The following KCNN2 variants were observed in gnomAD, a reference collection of about 807,000 sequenced individuals.
The protein encoded by KCNN2 is small conductance calcium-activated potassium channel protein 2.
Under a neutral mutation model 55.5 loss-of-function variants are expected in KCNN2, and 24 were observed. The ratio of observed to expected loss-of-function variants is 0.43; its 90% CI spans 0.31 to 0.61. The LOEUF (loss-of-function observed/expected upper bound fraction) is 0.61. Among genes scored for constraint, KCNN2 ranks in the 20% least tolerant of loss-of-function variants. The pLI is 0.08. For synonymous variants in KCNN2, 431 were observed against 336.1 expected, an observed-to-expected ratio of 1.28 and a Z score of -3.09; for missense variants, 754 against 853.6, an observed-to-expected ratio of 0.88 and a Z score of 1.45.
At chr5:114,278,906 C>T (rs762869201) in intron 2 of KCNN2, among the ~76,000 whole-genome samples, 1 of 152,106 alleles carries the variant, frequency 6.6e-6, no homozygotes, top group Non-Finnish European at 1.5e-5. Flanking sequence ...ATGAGATGAA[C>T]CAGGTAACTC....
intron 2 of KCNN2, among the ~76,000 whole-genome samples, chr5:114,258,811 A>G (rs1398583190): frequency 6.6e-6 from 1 of 152,184 alleles, no homozygotes; most frequent in Admixed American, 6.5e-5. Flanking sequence ...TCCCCTGTGC[A>G]GAACCTCCTC....
At chr5:114,457,389 A>T (rs1469865820) in intron 3 of KCNN2, among the ~76,000 whole-genome samples, 1 of 152,222 alleles carries the variant, frequency 6.6e-6, no homozygotes, top group Non-Finnish European at 1.5e-5. Flanking sequence ...AGTATAGTAT[A>T]CACATAACAA....
intron 2 of KCNN2, among the ~76,000 whole-genome samples, chr5:114,327,519 A>G (rs1047929862): frequency 1.3e-5 from 2 of 152,248 alleles, no homozygotes; most frequent in African/African-American, 2.4e-5. Flanking sequence ...ACGCTGAGTT[A>G]ATTTTAACTA....
At chr5:114,482,987 T>A (rs1762292887) in intron 5 of KCNN2, among the ~76,000 whole-genome samples, 1 of 151,918 alleles carries the variant, frequency 6.6e-6, no homozygotes, top group Non-Finnish European at 1.5e-5. Context: ...TGGCATGTGT[T>A]TACCTATATA....
intron 2 of KCNN2, among the ~76,000 whole-genome samples, chr5:114,328,032 G>C (rs572119060): frequency 3.0e-4 from 46 of 152,270 alleles, no homozygotes; most frequent in African/African-American, 1.1e-3. Flanking sequence ...GAGGGCTTTG[G>C]GCACATTAGT....
chr5:114,385,281 C>T (rs1227025815), intron 2 of KCNN2, among the ~76,000 whole-genome samples: 1 of 151,952 alleles, frequency 6.6e-6, no homozygotes, highest in Non-Finnish European at 1.5e-5. Flanking sequence ...TTCATAACAT[C>T]ACAGAAGTTA....
intron 1 of KCNN2, among the ~76,000 whole-genome samples, chr5:114,197,534 G>A (rs1753582343): frequency 1.3e-5 from 2 of 152,156 alleles, no homozygotes; most frequent in South Asian, 4.1e-4. Context: ...AGTTAGTGGG[G>A]ACAGGGGTAA....
In KCNN2 at chr5:114,473,044, T is replaced by G. The variant is rs1761822138; in HGVS notation, c.1780-10T>G. ...AATGCTTTGGGTTTCTCTTCTCTCC[T>G]TGTTTTCAGGGTGCTGGTTGCACAG... On this transcript the variant is annotated splice_polypyrimidine_tract_variant and intron_variant, in intron 4 of 7. Transcript: ENST00000673685. The G allele has an allele frequency of 1.3e-6, 2 of 1,575,360 alleles. No individual in the cohort carries two copies. The highest frequency in any genetic ancestry group is 4.5e-5 in the East Asian group (2 of 44,454).
intron 3 of KCNN2, among the ~76,000 whole-genome samples, chr5:114,449,087 T>C (rs1168784058): frequency 6.6e-6 from 1 of 152,150 alleles, no homozygotes; most frequent in African/African-American, 2.4e-5. Context: ...AGAACGATCG[T>C]GAGCTTTCTT....
intron 2 of KCNN2, among the ~76,000 whole-genome samples, chr5:114,341,470 G>C (rs1176117815): frequency 6.6e-6 from 1 of 151,992 alleles, no homozygotes; most frequent in African/African-American, 2.4e-5. Context: ...GGAAAATTAG[G>C]GGTTTTCAGA....
chr5:114,429,590 G>A (rs547129103), intron 3 of KCNN2, among the ~76,000 whole-genome samples: 1 of 152,164 alleles, frequency 6.6e-6, no homozygotes, highest in Admixed American at 6.5e-5. Context: ...CAGCAGAGAA[G>A]CTTTTAAGTT....
At chr5:114,424,557 G>A (rs901346932) in intron 3 of KCNN2, among the ~76,000 whole-genome samples, 3 of 152,210 alleles carry the variant, frequency 2.0e-5, no homozygotes, top group Admixed American at 6.5e-5. Context: ...AGGTATCTGA[G>A]TAATATAAAT....
intron 1 of KCNN2, among the ~76,000 whole-genome samples, chr5:114,161,549 G>T (rs1367230513): frequency 6.6e-6 from 1 of 152,060 alleles, no homozygotes; most frequent in African/African-American, 2.4e-5. Flanking sequence ...ATGTTGGCCT[G>T]CCTTGCTAGA....
At chr5:114,380,424 C>T (rs915999143) in intron 2 of KCNN2, among the ~76,000 whole-genome samples, 2 of 152,164 alleles carry the variant, frequency 1.3e-5, no homozygotes, top group African/African-American at 4.8e-5. Context: ...TCCTGCAGTT[C>T]AATACAGAGC....
chr5:114,214,815 A>AT (rs1753969170), intron 1 of KCNN2, among the ~76,000 whole-genome samples: 1 of 152,174 alleles, frequency 6.6e-6, no homozygotes, highest in South Asian at 2.1e-4. Context: ...ACAACAAAAA[A>AT]CAACTTTCCC....
chr5:114,427,119 C>G (rs533179069), intron 3 of KCNN2, among the ~76,000 whole-genome samples: 74 of 152,252 alleles, frequency 4.9e-4, no homozygotes, highest in African/African-American at 1.8e-3. Context: ...CACCATGTTT[C>G]CTTTACTTGT....
chr5:114,461,568 T>G (rs181615962), intron 3 of KCNN2, among the ~76,000 whole-genome samples: 161 of 152,324 alleles, frequency 1.1e-3, no homozygotes, highest in Middle Eastern at 3.4e-3. Flanking sequence ...CTCTATTCTT[T>G]GGAAGAAGGC....
upstream of KCNN2, chr5:114,056,024 G>A (rs1750197589): frequency 4.3e-6 from 1 of 233,568 alleles, no homozygotes; most frequent in Non-Finnish European, 8.2e-6. Context: ...CCCGCCTGCA[G>A]GACTCGCTCC....
At chr5:114,252,631 T>C (rs1042369229) in intron 2 of KCNN2, among the ~76,000 whole-genome samples, 3 of 152,156 alleles carry the variant, frequency 2.0e-5, no homozygotes, top group African/African-American at 7.2e-5. Flanking sequence ...ACTGTGAAAA[T>C]CAGTAGTTTA....
Sources: gnomAD v4.1 joint callset for allele counts (sites outside exome capture counted in the v4.1 genomes callset) on GRCh38, gnomAD v4.1.1 for gene constraint, MANE v1.5 for transcripts, NCBI Gene and HGNC (gene_info 2026-07-23, HGNC 2026-07-21) for gene names.